Variants in TMEM108 observed in about 807,000 individuals in gnomAD.
TMEM108 encodes transmembrane protein 108.
TMEM108 carries 12 observed loss-of-function variants against 35.1 expected under a neutral mutation model. The ratio of observed to expected loss-of-function variants is 0.34; its 90% confidence interval spans 0.22 to 0.55. TMEM108 has a LOEUF of 0.55. TMEM108 is among the 20% of genes least tolerant of loss of function. The pLI is 0.89. For synonymous variants in TMEM108, 287 were observed against 308.6 expected (o/e 0.93, Z 0.73); for missense variants, 680 against 753.3 (o/e 0.90, Z 1.14).
At chr3:133,217,493 C>T (rs1451106007) in intron 2 of TMEM108, among the ~76,000 whole-genome samples, 1 of 151,934 alleles carries the variant, frequency 6.6e-6, no homozygotes. Flanking sequence ...TCCAAAAAAT[C>T]ATTGACCAAA....
chr3:133,336,657 A>G (rs1230254541), intron 3 of TMEM108, among the ~76,000 whole-genome samples: 1 of 151,858 alleles, frequency 6.6e-6, no homozygotes, highest in Non-Finnish European at 1.5e-5. Flanking sequence ...TCTGCTTGAG[A>G]AAAGTGGAGG....
At chr3:133,039,849 ATGTT>A (rs553778758) in intron 1 of TMEM108, among the ~76,000 whole-genome samples, 5 of 152,226 alleles carry the variant, frequency 3.3e-5, no homozygotes, top group Admixed American at 1.3e-4. Context: ...GTACAACAAC[ATGTT>A]TCTTTAGGAA....
chr3:133,069,823 C>T (rs750087160), intron 2 of TMEM108, among the ~76,000 whole-genome samples: 1 of 152,156 alleles, frequency 6.6e-6, no homozygotes. Context: ...CTCACTCTTA[C>T]GCTTCCAGGA....
At chr3:133,180,186 G>T (rs530170898) in intron 2 of TMEM108, among the ~76,000 whole-genome samples, 22 of 152,146 alleles carry the variant, frequency 1.4e-4, no homozygotes, top group African/African-American at 5.1e-4. Context: ...TATCTAATGT[G>T]GGGGAGAGGG....
At chr3:133,344,024 A>G (rs925672989) in intron 3 of TMEM108, among the ~76,000 whole-genome samples, 37 of 151,882 alleles carry the variant, frequency 2.4e-4, no homozygotes, top group African/African-American at 8.9e-4. Context: ...ATCCACAGAA[A>G]AATTGTCTTC....
chr3:133,111,040 C>A (rs1944218089), intron 2 of TMEM108, among the ~76,000 whole-genome samples: 1 of 152,184 alleles, frequency 6.6e-6, no homozygotes, highest in Non-Finnish European at 1.5e-5. Flanking sequence ...CTCTGACCTA[C>A]TGCCCCTTGG....
intron 3 of TMEM108, among the ~76,000 whole-genome samples, chr3:133,285,891 T>G (rs944323262): frequency 2.6e-5 from 4 of 152,186 alleles, no homozygotes; most frequent in Non-Finnish European, 5.9e-5. Context: ...CTTTTTAGTT[T>G]TCTATTTTTG....
At chr3:133,296,940 A>T (rs1404874175) in intron 3 of TMEM108, among the ~76,000 whole-genome samples, 1 of 152,176 alleles carries the variant, frequency 6.6e-6, no homozygotes, top group Non-Finnish European at 1.5e-5. Flanking sequence ...AACTATCCCC[A>T]CTTTCTTAAT....
chr3:133,334,421 G>A (rs994576267), intron 3 of TMEM108, among the ~76,000 whole-genome samples: 2 of 152,192 alleles, frequency 1.3e-5, no homozygotes, highest in South Asian at 2.1e-4. Context: ...CGTGAGGTTC[G>A]AGCTGAGCTT....
At chr3:133,209,794 A>C (rs1305036547) in intron 2 of TMEM108, among the ~76,000 whole-genome samples, 1 of 152,134 alleles carries the variant, frequency 6.6e-6, no homozygotes, top group Non-Finnish European at 1.5e-5. Flanking sequence ...CTGAGAATGA[A>C]TGATTTAGAG....
intron 3 of TMEM108, among the ~76,000 whole-genome samples, chr3:133,282,212 A>G (rs1946924550): frequency 6.6e-6 from 1 of 152,136 alleles, no homozygotes; most frequent in South Asian, 2.1e-4. Context: ...TTTTAGAAAA[A>G]TTTTGATTTT....
At position 133,302,209 on chromosome 3, in the gene TMEM108, T is replaced by A. The variant is rs566397602; in HGVS notation, c.40+72858T>A. On this transcript the variant is annotated intron_variant, in intron 3 of 5. Coordinates refer to ENST00000321871, the MANE Select transcript of TMEM108 (RefSeq NM_023943.4). Reference sequence around the variant, plus strand: ...ATTGTGATGCCGTGCATCTCACTGCTCATTTTCTTGTTAAAACCCAAACTG... The same window carrying A: ...ATTGTGATGCCGTGCATCTCACTGCACATTTTCTTGTTAAAACCCAAACTG... Among the ~76,000 whole-genome samples, 7 of 152,282 alleles carry A rather than the reference T, an allele frequency of 4.6e-5. No homozygotes were observed. In the South Asian group the frequency reaches 1.2e-3, roughly 27 times the overall value.
At chr3:133,311,009 T>A (rs552553557) in intron 3 of TMEM108, among the ~76,000 whole-genome samples, 230 of 152,360 alleles carry the variant, frequency 1.5e-3, no homozygotes, top group Non-Finnish European at 2.0e-3. Flanking sequence ...TATGAAATCC[T>A]GGGTTGAAAA....
At chr3:133,301,008 ACACACACACACAC>A (rs1382806810) in intron 3 of TMEM108, among the ~76,000 whole-genome samples, 4 of 66,076 alleles carry the variant, frequency 6.1e-5, no homozygotes, top group Non-Finnish European at 1.6e-4. Flanking sequence ...ACACACACAC[ACACACACACACAC>A]ACACACACAC....
chr3:133,064,504 A>T (rs1376147911), intron 2 of TMEM108, among the ~76,000 whole-genome samples: 3 of 152,142 alleles, frequency 2.0e-5, no homozygotes, highest in Non-Finnish European at 4.4e-5. Flanking sequence ...ACTTAATTTT[A>T]TTTCTAATTC....
chr3:133,267,833 C>T (rs1044808692), intron 3 of TMEM108, among the ~76,000 whole-genome samples: 2 of 152,196 alleles, frequency 1.3e-5, no homozygotes, highest in African/African-American at 4.8e-5. Context: ...TGTGACATGA[C>T]AGCTGTCTTC....
At chr3:133,350,456 AG>A in intron 3 of TMEM108, among the ~76,000 whole-genome samples, 1 of 152,320 alleles carries the variant, frequency 6.6e-6, no homozygotes, top group South Asian at 2.1e-4. Context: ...ACAAAAAAAA[AG>A]ATGATAAATG....
At chr3:133,089,855 C>A (rs1306165335) in intron 2 of TMEM108, among the ~76,000 whole-genome samples, 1 of 152,160 alleles carries the variant, frequency 6.6e-6, no homozygotes, top group Non-Finnish European at 1.5e-5. Flanking sequence ...GGCTGTATAT[C>A]AGCATTTGTA....
At chr3:133,256,812 C>T (rs1946554008) in intron 3 of TMEM108, among the ~76,000 whole-genome samples, 1 of 152,178 alleles carries the variant, frequency 6.6e-6, no homozygotes, top group Non-Finnish European at 1.5e-5. Context: ...TGTCAGTAAG[C>T]ACAGTAAATG....
Sources: allele counts gnomAD v4.1 joint callset (sites outside exome capture counted in the v4.1 genomes callset), GRCh38; gene constraint gnomAD v4.1.1; transcripts MANE v1.5; gene names NCBI Gene and HGNC (gene_info 2026-07-23, HGNC 2026-07-21).